TLE6: variants seen among roughly 807,000 people sequenced by gnomAD.
TLE6 encodes TLE family member 6, subcortical maternal complex member.
TLE6 carries 72 observed loss-of-function variants against 77.1 expected under a neutral mutation model. That is an observed-to-expected ratio of 0.93 (90% confidence interval 0.77 to 1.14). TLE6 has a LOEUF of 1.14. TLE6 is among the 50% of genes most tolerant of loss of function. The pLI is 0.00. For synonymous variants in TLE6, 366 were observed against 287.3 expected (o/e 1.27, Z -2.77); for missense variants, 843 against 747.6 (o/e 1.13, Z -1.49).
At chr19:2,988,258 A>C in intron 11 of TLE6, 130 bp downstream of exon 11, 2 of 1,038,024 alleles carry the variant, frequency 1.9e-6, no homozygotes, top group Non-Finnish European at 2.8e-6. Context: ...TCCCATCACT[A>C]CTCTGCCATC....
rs185083436 is a variant in TLE6, at chr19:2,986,752, G to A, written c.223-77G>A. On this transcript the variant is annotated intron_variant, in intron 5 of 16. Coordinates refer to ENST00000246112, the MANE Select transcript of TLE6 (RefSeq NM_001143986.2). ...GATTGATATACCTTCTTCTACAGGT[G>A]GGGATAATCATGCTGTAGGATTGCA... 1.9e-5 allele frequency: 26 copies of A among 1,367,300 alleles called. No homozygotes were observed. The East Asian group carries it at 6.5e-4, about 34-fold the overall frequency. 84.7% of individuals were successfully genotyped at this position (1,367,300 alleles called of 1,614,324 possible).
rs568273134 is a variant in TLE6 at position 2,988,184 on chromosome 19, C to G, written c.740+56C>G. ...GGGTGAGGGGCAGCGGGAATTCCTT[C>G]CTGTCTATACCTCTGTTCCCGACAC... On this transcript the variant is annotated intron_variant, in intron 11 of 16. Coordinates refer to ENST00000246112, the MANE Select transcript of TLE6 (RefSeq NM_001143986.2). The G allele has an allele frequency of 1.2e-5, 18 of 1,506,530 alleles. No homozygotes were observed. In the African/African-American group the frequency reaches 2.1e-4, roughly 17 times the overall value. 93.3% of individuals were successfully genotyped at this position (1,506,530 alleles called of 1,614,324 possible). A position where few individuals can be genotyped will look rare whatever the true frequency, so the allele number is the denominator to read the frequency against.
chr19:2,985,809 C>T (rs912499578), intron 5 of TLE6, among the ~76,000 whole-genome samples: 87 of 150,782 alleles, frequency 5.8e-4, no homozygotes, highest in Middle Eastern at 3.5e-3. Flanking sequence ...GGTGTGGTGG[C>T]TCACACCTGT....
At position 2,981,581 on chromosome 19, in the gene TLE6, T is replaced by C; in HGVS notation, c.178T>C (p.Ser60Pro). The C allele has an allele frequency of 6.4e-7, 1 of 1,551,484 alleles. No individual in the cohort carries two copies. The highest frequency in any genetic ancestry group is 8.7e-7 in the Non-Finnish European group (1 of 1,146,942). Residue 60 changes from serine (S) to proline (P), a missense_variant and splice_region_variant, in exon 4 of 17, where the codon TCG becomes CCG. Ser to Pro is a moderately conservative substitution (Grantham distance 74). Coordinates refer to ENST00000246112, the MANE Select transcript of TLE6 (RefSeq NM_001143986.2). ...FAAELESIYY[S>P]LHKIQQDVAE... is the part of the protein sequence containing the mutation. ...TGCGGAGTTGGAGAGCATTTACTAC[T>C]CGGTGAGCCAGACCCAGGCAGCCCC...
chr19:2,988,363 G>A (rs1052250717), intron 11 of TLE6, among the ~76,000 whole-genome samples: 3 of 152,154 alleles, frequency 2.0e-5, no homozygotes, highest in East Asian at 1.9e-4. Flanking sequence ...TTGGGAGGCC[G>A]AGGCGGGCAG....
At position 2,980,149 on chromosome 19, in the gene TLE6, A is replaced by C; in HGVS notation, c.101A>C (p.Gln34Pro). 2 of 1,549,458 alleles carry C rather than the reference A, an allele frequency of 1.3e-6. No individual in the cohort carries two copies. The highest frequency in any genetic ancestry group is 1.7e-6 in the Non-Finnish European group (2 of 1,145,652). Residue 34 changes from glutamine (Q) to proline (P), a missense_variant, in exon 3 of 17, where the codon CAG becomes CCG. Physicochemically the swap from Gln to Pro is moderately conservative, Grantham distance 76. Transcript: ENST00000246112. ...NSESSPTLNYQGILNRLKQFP... is the reference protein window; with the variant it reads ...NSESSPTLNYPGILNRLKQFP... Reference sequence around the variant, plus strand: ...GAGAGCTCTCCGACGCTGAATTATCAGGGCATTCTAAATCGGCTCAAGCAG... The same window carrying C: ...GAGAGCTCTCCGACGCTGAATTATCCGGGCATTCTAAATCGGCTCAAGCAG...
intron 13 of TLE6, among the ~76,000 whole-genome samples, chr19:2,991,392 A>ATG: frequency 8.1e-6 from 1 of 123,546 alleles, no homozygotes; most frequent in African/African-American, 3.1e-5. Flanking sequence ...ATATATATAT[A>ATG]TATACACACA....
At chr19:2,989,449 G>A in intron 12 of TLE6, 86 bp from the exon 13 acceptor site, 1 of 1,569,668 alleles carries the variant, frequency 6.4e-7, no homozygotes, top group South Asian at 1.2e-5. Flanking sequence ...CCTAAAGGAT[G>A]AATAGGAGTT....
chr19:2,991,048 G>A (rs2638068), intron 13 of TLE6, among the ~76,000 whole-genome samples: 144,420 of 149,946 alleles, frequency 0.96, 69,447 homozygotes, highest in East Asian at 0.98. Flanking sequence ...ATACATATAT[G>A]TATACACACA....
rs753105543 is a variant in TLE6, at chr19:2,980,201, G to A, written c.134+19G>A. 5 of 1,542,714 alleles carry A rather than the reference G, an allele frequency of 3.2e-6. No individual in the cohort carries two copies. Among genetic ancestry groups the A allele is most frequent in the Middle Eastern group, 1.8e-4 (1 of 5,576 alleles). On this transcript the variant is annotated intron_variant, in intron 3 of 16. Coordinates refer to ENST00000246112, the MANE Select transcript of TLE6 (RefSeq NM_001143986.2). ...TCCCCAGGTGAGAGCAATTCCAGGG[G>A]CCGGAGGTCTCACGCTGGGAAGGAG...
chr19:2,984,898 T>C (rs2088876295), intron 5 of TLE6, among the ~76,000 whole-genome samples: 2 of 152,218 alleles, frequency 1.3e-5, no homozygotes, highest in African/African-American at 4.8e-5. Context: ...AAACTACATT[T>C]AACTTCGGGA....
At chr19:2,986,580 G>T (rs1353627273) in intron 5 of TLE6, among the ~76,000 whole-genome samples, 1 of 151,806 alleles carries the variant, frequency 6.6e-6, no homozygotes, top group African/African-American at 2.4e-5. Context: ...TGGGTGTGGT[G>T]GTGTGCACCT....
intron 2 of TLE6, among the ~76,000 whole-genome samples, chr19:2,978,956 T>C (rs1193707151): frequency 6.6e-6 from 1 of 152,172 alleles, no homozygotes; most frequent in African/African-American, 2.4e-5. Flanking sequence ...TGAGACTTTA[T>C]GATTTTATTA....
chr19:2,984,553 C>T (rs886070925), intron 5 of TLE6: 2 of 152,220 alleles, frequency 1.3e-5, no homozygotes, highest in African/African-American at 4.8e-5. Context: ...CTGCAACCTC[C>T]ACCTCCTGGG....
At chr19:2,991,761 C>A in intron 13 of TLE6, 82 bp from the exon 14 acceptor site, 2 of 1,424,764 alleles carry the variant, frequency 1.4e-6, no homozygotes, top group South Asian at 1.2e-5. Context: ...CCCTTTCATG[C>A]CCAAATGTAG....
chr19:2,990,974 C>G (rs1243678151), intron 13 of TLE6, among the ~76,000 whole-genome samples: 1 of 149,770 alleles, frequency 6.7e-6, no homozygotes, highest in Non-Finnish European at 1.5e-5. Flanking sequence ...CAGCCTGGGT[C>G]ACAGAGTGAG....
chr19:2,994,920 C>T lies in TLE6; in HGVS notation c.1635C>T (p.Val545=). The T allele has an allele frequency of 6.2e-7, 1 of 1,602,676 alleles. No individual in the cohort carries two copies. The highest frequency in any genetic ancestry group is 8.5e-7 in the Non-Finnish European group (1 of 1,174,734). Residue 545 remains valine, a synonymous_variant, in exon 17 of 17, where the codon GTC becomes GTT. Coordinates refer to ENST00000246112, the MANE Select transcript of TLE6 (RefSeq NM_001143986.2). ...TCCAGGTGCCTGAGATGTCTCCAGT[C>T]ACGTGCTGTGACGTCTCTTCCAACA... The part of the protein sequence containing the change: ...KVFEVPEMSP[V]TCCDVSSNNR...
intron 14 of TLE6, among the ~76,000 whole-genome samples, chr19:2,992,999 A>G (rs192056550): frequency 1.7e-3 from 231 of 135,204 alleles, no homozygotes; most frequent in Non-Finnish European, 2.8e-3. Context: ...GAACAGCCTG[A>G]CCAACATGGT....
chr19:2,982,148 C>G lies in TLE6; in HGVS notation c.181C>G (p.Leu61Val). 1 of 1,551,560 alleles carries G rather than the reference C, an allele frequency of 6.4e-7. No homozygotes were observed. The highest frequency in any genetic ancestry group is 8.7e-7 in the Non-Finnish European group (1 of 1,146,972). ...TGGGATCTCTGTTTTCCCTTTGCAG[C>G]TGCACAAGATCCAGCAGGATGTGGC... ...AAELESIYYS[L>V]HKIQQDVAEH... Residue 61 changes from leucine to valine, a missense_variant and splice_region_variant, in exon 5 of 17, where the codon CTG becomes GTG. Leu to Val is a conservative substitution (Grantham distance 32). Transcript: ENST00000246112.
Sources: allele counts gnomAD v4.1 joint callset (sites outside exome capture counted in the v4.1 genomes callset), GRCh38; gene constraint gnomAD v4.1.1; transcripts MANE v1.5; gene names NCBI Gene and HGNC (gene_info 2026-07-23, HGNC 2026-07-21).